The following AP2B1 variants were observed in gnomAD, a reference collection of about 807,000 sequenced individuals.
The protein encoded by AP2B1 is adaptor related protein complex 2 subunit beta 1.
In AP2B1, 23 loss-of-function variants were observed where a neutral mutation model predicts 102.0. That is an observed-to-expected ratio of 0.23 (90% CI 0.16 to 0.32). The LOEUF (loss-of-function observed/expected upper bound fraction) is 0.32, where lower values mean the gene tolerates loss of function less well. Ranked by LOEUF, AP2B1 falls within the 10% of genes least tolerant of loss-of-function variation. The pLI is 1.00. For missense variants in AP2B1, 541 were observed against 1,157.4 expected, an observed-to-expected ratio of 0.47 and a Z score of 7.73; for synonymous variants, 381 against 421.2, an observed-to-expected ratio of 0.90 and a Z score of 1.17.
At chr17:35,645,334 AT>A (rs2074899230) in intron 12 of AP2B1, among the ~76,000 whole-genome samples, 1 of 152,154 alleles carries the variant, frequency 6.6e-6, no homozygotes, top group Non-Finnish European at 1.5e-5. Flanking sequence ...TTCTGTCTCT[AT>A]AGTAGAGTTA....
intron 18 of AP2B1, among the ~76,000 whole-genome samples, chr17:35,691,037 C>A (rs893581440): frequency 6.6e-6 from 1 of 152,010 alleles, no homozygotes; most frequent in South Asian, 2.1e-4. Context: ...TAAACATTGT[C>A]GAATAAGAGG....
rs1490722040 is a variant in AP2B1, at chr17:35,707,451, T to TC, written c.2455-1767dup. Among the ~76,000 whole-genome samples, 502 of 89,934 alleles carry TC rather than the reference T, an allele frequency of 5.6e-3. 1 individual carries two copies. The highest frequency in any genetic ancestry group is 7.0e-3 in the African/African-American group (156 of 22,232). The allele number at this position is 89,934 out of a possible 152,430, so 59.0% of individuals were successfully genotyped here. ...CAGGCGTGAGCCACCGTGCCCGGCT[T>TC]CCCCCCTTTTTTTTTTTTTTTGACA... On this transcript the variant is annotated intron_variant, in intron 18 of 21. Transcript: ENST00000610402.
intron 4 of AP2B1, 120 bp from the exon 5 acceptor site, chr17:35,608,022 A>T: frequency 1.7e-6 from 2 of 1,192,298 alleles, no homozygotes; most frequent in Non-Finnish European, 2.4e-6. Context: ...ATTGGAGCTC[A>T]TGTAGAATGT....
At chr17:35,664,412 A>G (rs775644039) in intron 14 of AP2B1, among the ~76,000 whole-genome samples, 2 of 152,032 alleles carry the variant, frequency 1.3e-5, no homozygotes, top group Non-Finnish European at 2.9e-5. Context: ...TGCTGCACAC[A>G]TGGCTAATGG....
At chr17:35,663,152 G>A (rs774408606) in intron 14 of AP2B1, among the ~76,000 whole-genome samples, 2 of 152,130 alleles carry the variant, frequency 1.3e-5, no homozygotes, top group Non-Finnish European at 2.9e-5. Flanking sequence ...GCTTTGCAAT[G>A]ACTTAAAAGT....
At chr17:35,633,757 A>G (rs1229728401) in intron 9 of AP2B1, among the ~76,000 whole-genome samples, 1 of 152,218 alleles carries the variant, frequency 6.6e-6, no homozygotes, top group Non-Finnish European at 1.5e-5. Context: ...CCCAGCAACT[A>G]ACAATAATTC....
chr17:35,707,459 T>C (rs1448339076), intron 18 of AP2B1, among the ~76,000 whole-genome samples: 44 of 88,838 alleles, frequency 5.0e-4, no homozygotes, highest in Admixed American at 7.2e-4. Context: ...CTTCCCCCCT[T>C]TTTTTTTTTT....
chr17:35,642,813 G>A (rs1324519555), intron 12 of AP2B1, among the ~76,000 whole-genome samples: 1 of 143,152 alleles, frequency 7.0e-6, no homozygotes, highest in African/African-American at 2.7e-5. Context: ...AATTTTTCCT[G>A]TTACTACAAC....
At chr17:35,610,907 C>A (rs373805598) in intron 5 of AP2B1, among the ~76,000 whole-genome samples, 80 of 134,386 alleles carry the variant, frequency 6.0e-4, no homozygotes, top group South Asian at 7.6e-4. Flanking sequence ...ACTCTTGTCT[C>A]AAAAAAAAAA....
intron 14 of AP2B1, among the ~76,000 whole-genome samples, chr17:35,658,752 A>T: frequency 6.6e-6 from 1 of 152,220 alleles, no homozygotes; most frequent in East Asian, 1.9e-4. Flanking sequence ...TGACAGACAC[A>T]AAACAACTGC....
At chr17:35,696,875 C>T (rs1224110888) in intron 18 of AP2B1, among the ~76,000 whole-genome samples, 2 of 152,130 alleles carry the variant, frequency 1.3e-5, no homozygotes, top group Non-Finnish European at 2.9e-5. Context: ...ATGTTTTTCC[C>T]ACCACTGCTA....
chr17:35,659,593 C>CT (rs1036331000), intron 14 of AP2B1, among the ~76,000 whole-genome samples: 7 of 151,118 alleles, frequency 4.6e-5, no homozygotes, highest in South Asian at 2.1e-4. Flanking sequence ...GGCCTATTTC[C>CT]TTTTTTTTTA....
intron 17 of AP2B1, among the ~76,000 whole-genome samples, chr17:35,674,753 A>G (rs1455257226): frequency 1.3e-5 from 2 of 152,228 alleles, no homozygotes; most frequent in Non-Finnish European, 2.9e-5. Flanking sequence ...ATGTAGAGTG[A>G]GCCCTGGCTC....
intron 1 of AP2B1, among the ~76,000 whole-genome samples, chr17:35,591,057 C>T (rs12948669): frequency 0.21 from 32,165 of 151,270 alleles, 3,555 homozygotes; most frequent in East Asian, 0.34. Flanking sequence ...GCCTGTAGTC[C>T]CAGCTACTCT....
chr17:35,687,928 T>C (rs1159819450), intron 18 of AP2B1, among the ~76,000 whole-genome samples: 1 of 152,234 alleles, frequency 6.6e-6, no homozygotes, highest in Non-Finnish European at 1.5e-5. Flanking sequence ...TCAATAAAAC[T>C]TTTTGTAGAT....
At chr17:35,673,155 A>G (rs2075625789) in intron 16 of AP2B1, among the ~76,000 whole-genome samples, 1 of 152,012 alleles carries the variant, frequency 6.6e-6, no homozygotes. Context: ...TTCACCACCC[A>G]CAGATCCTTT....
At chr17:35,690,414 G>T (rs2076018314) in intron 18 of AP2B1, among the ~76,000 whole-genome samples, 1 of 152,214 alleles carries the variant, frequency 6.6e-6, no homozygotes, top group Non-Finnish European at 1.5e-5. Context: ...AAGAGGGCTG[G>T]AGAGTCTTAG....
At chr17:35,707,959 A>G (rs1240104305) in intron 18 of AP2B1, among the ~76,000 whole-genome samples, 2 of 152,220 alleles carry the variant, frequency 1.3e-5, no homozygotes, top group Non-Finnish European at 1.5e-5. Flanking sequence ...TGGGAGAGAG[A>G]ACGCAAATAT....
intron 7 of AP2B1, 118 bp downstream of exon 7, chr17:35,626,960 T>C: frequency 9.7e-7 from 1 of 1,028,222 alleles, no homozygotes; most frequent in South Asian, 1.6e-5. Flanking sequence ...GAAAATGTTA[T>C]ATGGCAGAAA....
Sources: gnomAD v4.1 joint callset for allele counts (sites outside exome capture counted in the v4.1 genomes callset) on GRCh38, gnomAD v4.1.1 for gene constraint, MANE v1.5 for transcripts, NCBI Gene and HGNC (gene_info 2026-07-23, HGNC 2026-07-21) for gene names.